VPS13C: variants seen among roughly 807,000 people sequenced by gnomAD.
VPS13C encodes intermembrane lipid transfer protein VPS13C.
Under a neutral mutation model 456.8 loss-of-function variants are expected in VPS13C, and 358 were observed. The observed-to-expected ratio is 0.78, with a 90% CI of 0.72 to 0.86. The LOEUF is 0.86. VPS13C is among the 40% of genes least tolerant of loss of function. VPS13C has a pLI of 0.00. For synonymous variants in VPS13C, 1,578 were observed against 1,486.7 expected (o/e 1.06, Z -1.41); for missense variants, 4,818 against 4,385.4 (o/e 1.10, Z -2.79).
chr15:62,032,523 G>A (rs1279350028), intron 5 of VPS13C, among the ~76,000 whole-genome samples: 1 of 151,472 alleles, frequency 6.6e-6, no homozygotes, highest in African/African-American at 2.4e-5. Context: ...AAAAATACTT[G>A]AAGCAAGAAT....
At chr15:62,026,259 C>T (rs1407929069) in intron 6 of VPS13C, among the ~76,000 whole-genome samples, 1 of 151,586 alleles carries the variant, frequency 6.6e-6, no homozygotes, top group Non-Finnish European at 1.5e-5. Flanking sequence ...ATCAATTAGT[C>T]CTTCTTGCAC....
At chr15:61,888,424 C>T (rs763015703) in intron 67 of VPS13C, among the ~76,000 whole-genome samples, 9 of 152,000 alleles carry the variant, frequency 5.9e-5, no homozygotes, top group South Asian at 4.1e-4. Flanking sequence ...TTTGTCATTG[C>T]GAAAATGTGG....
At chr15:61,877,215 C>A in intron 74 of VPS13C, 161 bp from the exon 75 acceptor site, 1 of 475,220 alleles carries the variant, frequency 2.1e-6, no homozygotes, top group Non-Finnish European at 3.7e-6. Flanking sequence ...ATAATGGTTA[C>A]TAAATTATTA....
At position 61,854,227 on chromosome 15, in the gene VPS13C, C is replaced by T. The variant is rs1862507084; in HGVS notation, c.*230G>A. The T allele has an allele frequency of 1.8e-6, 1 of 568,830 alleles. No homozygotes were observed. Among genetic ancestry groups the T allele is most frequent in the African/African-American group, 1.9e-5 (1 of 53,368 alleles). 35.2% of individuals were successfully genotyped at this position (568,830 alleles called of 1,614,324 possible). A position where few individuals can be genotyped will look rare whatever the true frequency, so the allele number is the denominator to read the frequency against. On this transcript the variant is annotated 3_prime_UTR_variant, in exon 85 of 85. Coordinates refer to ENST00000644861, the MANE Select transcript of VPS13C (RefSeq NM_020821.3). Reference sequence around the variant, plus strand: ...TTTGAAGTGACGTTTCTTCAAGGGTCTGACCCATTTGGGTGGTGGCGTAGA... The same window carrying T: ...TTTGAAGTGACGTTTCTTCAAGGGTTTGACCCATTTGGGTGGTGGCGTAGA...
At chr15:61,929,941 GTTA>G (rs1411895036) in intron 50 of VPS13C, among the ~76,000 whole-genome samples, 193 bp from the exon 51 acceptor site, 2 of 152,014 alleles carry the variant, frequency 1.3e-5, no homozygotes, top group East Asian at 3.9e-4. Context: ...CAAGATATAC[GTTA>G]TTAAGCAATT....
At chr15:61,888,739 T>C (rs1329502772) in intron 67 of VPS13C, among the ~76,000 whole-genome samples, 1 of 152,128 alleles carries the variant, frequency 6.6e-6, no homozygotes, top group Non-Finnish European at 1.5e-5. Flanking sequence ...GAGAGACTTT[T>C]AGGGCAGTGA....
Position 61,931,212 on chromosome 15 carries a change from G to C in VPS13C, c.5916C>G (p.Leu1972=). 6.8e-6 allele frequency: 11 copies of C among 1,614,064 alleles called. No homozygotes were observed. Among genetic ancestry groups the C allele is most frequent in the Non-Finnish European group, 9.3e-6 (11 of 1,180,002 alleles). Residue 1972 remains leucine, a synonymous_variant, in exon 50 of 85, where the codon CTC becomes CTG. Transcript: ENST00000644861. The part of the protein sequence containing the change: ...FHNDSFQLGE[L]RLHLMASSGK... Reference sequence around the variant, plus strand: ...CTGAGGAGGCCATAAGATGTAGTCTGAGTTCACCAAGTTGGAAACTGTCAT... The same window carrying C: ...CTGAGGAGGCCATAAGATGTAGTCTCAGTTCACCAAGTTGGAAACTGTCAT...
In VPS13C at chr15:61,916,019, T is replaced by C. The variant is rs2043461716; in HGVS notation, c.8059A>G (p.Thr2687Ala). ...TCTGCCAGCTCATGAGTTTCTGCTG[T>C]TCCCTAAAAACAAACAAAAATTCGC... is the stretch of plus-strand genomic sequence containing the variant. The part of the protein sequence containing the change: ...PYSLRYLLEG[T>A]AETHELAEGS... Residue 2687 changes from threonine (T) to alanine (A), a missense_variant, in exon 61 of 85, where the codon ACA becomes GCA. This residue lies in a region of VPS13C where 4,552 missense variants were observed against 4,130.6 expected (regional missense o/e 1.10). Transcript: ENST00000644861. 6 of 1,555,450 alleles carry C rather than the reference T, an allele frequency of 3.9e-6. No homozygotes were observed. In the East Asian group the frequency reaches 1.4e-4, roughly 35 times the overall value.
chr15:62,008,106 C>T (rs2046913793), intron 14 of VPS13C, among the ~76,000 whole-genome samples: 1 of 152,078 alleles, frequency 6.6e-6, no homozygotes, highest in South Asian at 2.1e-4. Flanking sequence ...GTGGTGGGTG[C>T]CTGTAATCTC....
At chr15:62,049,637 A>G (rs1013982902) in intron 1 of VPS13C, among the ~76,000 whole-genome samples, 2 of 152,222 alleles carry the variant, frequency 1.3e-5, no homozygotes, top group Non-Finnish European at 2.9e-5. Flanking sequence ...AATTCTGTGA[A>G]GAAAGTCATT....
intron 82 of VPS13C, among the ~76,000 whole-genome samples, chr15:61,863,107 C>G (rs559117871): frequency 2.6e-5 from 4 of 152,120 alleles, no homozygotes; most frequent in Admixed American, 2.6e-4. Flanking sequence ...TGAATTAATC[C>G]TCCATAACTG....
chr15:61,969,489 G>T (rs753146378), intron 27 of VPS13C, 37 bp from the exon 28 acceptor site: 4 of 1,406,478 alleles, frequency 2.8e-6, no homozygotes, highest in Non-Finnish European at 3.8e-6. Flanking sequence ...TTGATAAGAA[G>T]TCTGAATCAT....
intron 81 of VPS13C, chr15:61,864,390 G>C: frequency 3.3e-6 from 3 of 902,022 alleles, no homozygotes; most frequent in Non-Finnish European, 4.0e-6. Flanking sequence ...TTAAAAACGA[G>C]TTTTTTTATA....
rs200793651 is a variant in VPS13C at position 61,964,723 on chromosome 15, G to T, written c.3190C>A (p.Gln1064Lys). The T allele has an allele frequency of 1.3e-5, 21 of 1,601,236 alleles. No individual in the cohort carries two copies. The highest frequency in any genetic ancestry group is 3.5e-5 in the Admixed American group (2 of 56,842). ...KEVQISTEKQ[Q>K]KNSTLPKAIV... ...CCTTTTGGCAGAGTTGAATTTTTTT[G>T]TTGTTTTTCAGTTGAAATTTGTACC... The change falls in exon 31 of 85, where the codon CAA becomes AAA. Residue 1064 changes from glutamine to lysine, a missense_variant. Gln to Lys is a moderately conservative substitution (Grantham distance 53). Coordinates refer to ENST00000644861, the MANE Select transcript of VPS13C (RefSeq NM_020821.3).
At chr15:61,949,707 C>T (rs1407601335) in intron 41 of VPS13C, 102 bp from the exon 42 acceptor site, 5 of 1,140,056 alleles carry the variant, frequency 4.4e-6, no homozygotes, top group Non-Finnish European at 6.0e-6. Context: ...CAATTAAGGG[C>T]CTTTTTAAAA....
chr15:62,056,296 T>C (rs1017125717), intron 1 of VPS13C, among the ~76,000 whole-genome samples: 7 of 152,200 alleles, frequency 4.6e-5, no homozygotes, highest in African/African-American at 1.7e-4. Context: ...CAGTAATTAC[T>C]CTTTATCCCA....
At chr15:61,987,022 T>C (rs1015430460) in intron 18 of VPS13C, among the ~76,000 whole-genome samples, 3 of 152,174 alleles carry the variant, frequency 2.0e-5, no homozygotes, top group East Asian at 1.9e-4. Flanking sequence ...TACTGACAGA[T>C]GGTCAAAGAC....
Position 61,903,018 on chromosome 15 carries a change from G to A in VPS13C, c.9105+4246C>T, listed in dbSNP as rs539592103. 5.3e-5 allele frequency among the ~76,000 whole-genome samples: 8 copies of A among 151,898 alleles called. No individual in the cohort carries two copies. The South Asian group carries it at 1.5e-3, about 28-fold the overall frequency. On this transcript the variant is annotated intron_variant, in intron 66 of 84. Transcript: ENST00000644861. ...GATAAATTTGGTAAAGTTGCAGGAC[G>A]CAAAATCAATATATTAAAATCAAAT...
intron 66 of VPS13C, among the ~76,000 whole-genome samples, chr15:61,900,241 T>A (rs1334409433): frequency 6.6e-6 from 1 of 152,132 alleles, no homozygotes; most frequent in East Asian, 1.9e-4. Flanking sequence ...CTATTCAACA[T>A]AGTGTTGGAA....
Sources: gnomAD v4.1 joint callset for allele counts (sites outside exome capture counted in the v4.1 genomes callset) on GRCh38, gnomAD v4.1.1 for gene constraint, gnomAD v4.1.1 regional missense constraint, MANE v1.5 for transcripts, NCBI Gene and HGNC (gene_info 2026-07-23, HGNC 2026-07-21) for gene names.